The following TCEANC2 variants were observed in gnomAD, a reference collection of about 807,000 sequenced individuals.
TCEANC2 encodes transcription elongation factor A N-terminal and central domain containing 2.
Under a neutral mutation model 22.8 loss-of-function variants are expected in TCEANC2, and 20 were observed. The ratio of observed to expected loss-of-function variants is 0.88; its 90% CI spans 0.62 to 1.28. TCEANC2 has a LOEUF of 1.28. TCEANC2 is among the 50% of genes most tolerant of loss of function. The pLI is 0.00. For synonymous variants in TCEANC2, 84 were observed against 95.5 expected (o/e 0.88, Z 0.70); for missense variants, 251 against 249.7 (o/e 1.01, Z -0.03).
At chr1:54,070,490 C>T (rs904153429) in intron 3 of TCEANC2, among the ~76,000 whole-genome samples, 3 of 152,064 alleles carry the variant, frequency 2.0e-5, no homozygotes, top group Non-Finnish European at 4.4e-5. Flanking sequence ...AGTATGCTTT[C>T]AAGAATGGGT....
chr1:54,072,388 C>T (rs980867457), intron 3 of TCEANC2, among the ~76,000 whole-genome samples: 1 of 147,670 alleles, frequency 6.8e-6, no homozygotes. Context: ...TGCTTTATCC[C>T]CCCCAAATTT....
intron 2 of TCEANC2, among the ~76,000 whole-genome samples, chr1:54,060,618 A>G (rs1342613258): frequency 1.3e-5 from 2 of 151,808 alleles, no homozygotes; most frequent in Non-Finnish European, 2.9e-5. Context: ...CCATTACAGA[A>G]TTGTCATATA....
At chr1:54,083,011 G>A (rs146871790) in intron 3 of TCEANC2, among the ~76,000 whole-genome samples, 2 of 152,258 alleles carry the variant, frequency 1.3e-5, no homozygotes, top group Non-Finnish European at 2.9e-5. Context: ...GAGAACAGGC[G>A]AGGAGGAAGA....
chr1:54,067,476 A>G (rs1364689777), intron 2 of TCEANC2, among the ~76,000 whole-genome samples: 1 of 152,262 alleles, frequency 6.6e-6, no homozygotes, highest in Non-Finnish European at 1.5e-5. Context: ...TCAGCTTTCA[A>G]CATCTGCCAA....
rs1244644782 is a variant in TCEANC2 at position 54,088,702 on chromosome 1, G to A, written c.350G>A (p.Arg117Lys). ...WKTFTEKHSN[R>K]PSIEVRSDPK... ...ACTTTCACTGAAAAACATTCAAATAGACCTTCTATTGAAGTTAGAAGTGAT... is the reference window on the plus strand; with the variant it reads ...ACTTTCACTGAAAAACATTCAAATAAACCTTCTATTGAAGTTAGAAGTGAT... The change falls in exon 4 of 5, where the codon AGA (arginine) becomes AAA (lysine). Residue 117 changes from arginine (R) to lysine (K), a missense_variant. Arg to Lys is a conservative substitution (Grantham distance 26, BLOSUM62 2). Transcript: ENST00000234827. 1 of 1,611,118 alleles carries A rather than the reference G, an allele frequency of 6.2e-7. No individual in the cohort carries two copies. Among genetic ancestry groups the A allele is most frequent in the South Asian group, 1.1e-5 (1 of 90,564 alleles).
intron 3 of TCEANC2, among the ~76,000 whole-genome samples, chr1:54,081,296 A>G (rs1464776924): frequency 3.3e-5 from 5 of 152,170 alleles, no homozygotes. Context: ...TGGCGTGATC[A>G]TAGCTCACTG....
chr1:54,081,749 T>A (rs1211142582), intron 3 of TCEANC2, among the ~76,000 whole-genome samples: 1 of 152,176 alleles, frequency 6.6e-6, no homozygotes, highest in Non-Finnish European at 1.5e-5. Context: ...CAGCCCTACC[T>A]ACGCTTCCTG....
chr1:54,084,821 C>T (rs902733287), intron 3 of TCEANC2, among the ~76,000 whole-genome samples: 3 of 152,124 alleles, frequency 2.0e-5, no homozygotes, highest in Non-Finnish European at 2.9e-5. Flanking sequence ...ATATCCTGTA[C>T]GATCTTATTT....
exon 5 of TCEANC2, chr1:54,112,343 C>T (rs58908016): frequency 0.068 from 10,349 of 152,024 alleles, 759 homozygotes; most frequent in African/African-American, 0.18. Context: ...CCAGCCTGGG[C>T]GACAGAGACC....
chr1:54,108,306 T>G (rs188391946), downstream of TCEANC2, among the ~76,000 whole-genome samples: 188 of 152,268 alleles, frequency 1.2e-3, no homozygotes, highest in African/African-American at 4.3e-3. Flanking sequence ...CCCTGCATCA[T>G]CCCCAAATTC....
chr1:54,105,646 G>A lies in TCEANC2; in HGVS notation c.*9173G>A, dbSNP rs1361628198. On this transcript the variant is annotated 3_prime_UTR_variant, in exon 5 of 5. Transcript: ENST00000234827. The stretch of plus-strand genomic sequence containing the variant: ...GGTCAGCAAACTTTTTTTTTTTTTC[G>A]AGACGGAGTCTCACTCCGTCACCAG... 1 of 39,392 alleles carries A rather than the reference G, an allele frequency of 2.5e-5. No individual in the cohort carries two copies. Among genetic ancestry groups the A allele is most frequent in the East Asian group, 1.1e-3 (1 of 902 alleles). The allele number at this position is 39,392 out of a possible 1,614,324, so 2.4% of individuals were successfully genotyped here. A position where few individuals can be genotyped will look rare whatever the true frequency, so the allele number is the denominator to read the frequency against.
At chr1:54,074,956 G>A (rs1360097595) in intron 3 of TCEANC2, among the ~76,000 whole-genome samples, 1 of 152,210 alleles carries the variant, frequency 6.6e-6, no homozygotes, top group Non-Finnish European at 1.5e-5. Context: ...CATGTTGAAT[G>A]CTAATGGCAA....
chr1:54,061,079 T>C (rs1351193380), intron 2 of TCEANC2, among the ~76,000 whole-genome samples: 2 of 152,218 alleles, frequency 1.3e-5, no homozygotes, highest in Non-Finnish European at 2.9e-5. Context: ...AGGGAAGTAG[T>C]GACATATAAC....
At chr1:54,058,047 A>G (rs1657785825) in intron 2 of TCEANC2, among the ~76,000 whole-genome samples, 1 of 152,230 alleles carries the variant, frequency 6.6e-6, no homozygotes, top group African/African-American at 2.4e-5. Flanking sequence ...TGGTCAAGTT[A>G]TTTAGCCTCT....
At chr1:54,076,428 C>T (rs1022564358) in intron 3 of TCEANC2, among the ~76,000 whole-genome samples, 2 of 152,192 alleles carry the variant, frequency 1.3e-5, no homozygotes, top group Admixed American at 6.5e-5. Context: ...CCACAAAGGA[C>T]ATGATCTTGT....
chr1:54,058,307 C>T (rs919234142), intron 2 of TCEANC2, among the ~76,000 whole-genome samples: 1 of 152,162 alleles, frequency 6.6e-6, no homozygotes, highest in Non-Finnish European at 1.5e-5. Flanking sequence ...GACGCAGAGC[C>T]AATCTAATCA....
At chr1:54,060,494 A>G (rs1027111271) in intron 2 of TCEANC2, among the ~76,000 whole-genome samples, 1 of 151,944 alleles carries the variant, frequency 6.6e-6, no homozygotes, top group African/African-American at 2.4e-5. Flanking sequence ...GCTTGAGCTC[A>G]GGAGGTTGAG....
rs1177984314 is a variant in TCEANC2, at chr1:54,105,079, T to G, written c.*8606T>G. The G allele has an allele frequency of 6.5e-6, 1 of 153,916 alleles. No individual in the cohort carries two copies. The highest frequency in any genetic ancestry group is 1.4e-5 in the Non-Finnish European group (1 of 69,036). The allele number at this position is 153,916 out of a possible 1,614,324, so 9.5% of individuals were successfully genotyped here. On this transcript the variant is annotated 3_prime_UTR_variant, in exon 5 of 5. Coordinates refer to ENST00000234827, the MANE Select transcript of TCEANC2 (RefSeq NM_153035.3). ...GACCAGTCAGTGATGGAGGTTGTAG[T>G]TTGTCCAACTTACTTTCCTAAGTTT...
At chr1:54,076,440 CT>C in intron 3 of TCEANC2, among the ~76,000 whole-genome samples, 1 of 152,254 alleles carries the variant, frequency 6.6e-6, no homozygotes, top group East Asian at 1.9e-4. Flanking sequence ...TGATCTTGTG[CT>C]TTTTTATGCC....
Sources: allele counts gnomAD v4.1 joint callset (sites outside exome capture counted in the v4.1 genomes callset), GRCh38; gene constraint gnomAD v4.1.1; transcripts MANE v1.5; gene names NCBI Gene and HGNC (gene_info 2026-07-23, HGNC 2026-07-21).